ASCC1: variants seen among roughly 807,000 people sequenced by gnomAD.
The protein encoded by ASCC1 is ASC-1 complex subunit P50.
ASCC1 carries 35 observed loss-of-function variants against 46.6 expected under a neutral mutation model. That is an observed-to-expected ratio of 0.75 (90% CI 0.57 to 0.99). ASCC1 has a LOEUF of 0.99. ASCC1 is among the 50% of genes least tolerant of loss of function. ASCC1 has a pLI of 0.00. For synonymous variants in ASCC1, 143 were observed against 146.6 expected (o/e 0.98, Z 0.18); for missense variants, 376 against 428.7 (o/e 0.88, Z 1.09).
chr10:72,167,396 G>A (rs1850488945), intron 5 of ASCC1, among the ~76,000 whole-genome samples: 1 of 152,168 alleles, frequency 6.6e-6, no homozygotes, highest in South Asian at 2.1e-4. Flanking sequence ...GAAATGTCCA[G>A]AAAGGACAAA....
rs372474134 is a variant in ASCC1, at chr10:72,172,211, C to A, written c.490-10537G>T. On this transcript the variant is annotated intron_variant, in intron 5 of 9. Transcript: ENST00000672957. ...CGGGCGGATCACGAGGTCAGGAGAT[C>A]GAGACCAGCCTGGGCAACATGGTGA... is the stretch of plus-strand genomic sequence containing the variant. 3.3e-5 allele frequency among the ~76,000 whole-genome samples: 5 copies of A among 151,694 alleles called. 1 individual carries two copies. In the East Asian group the frequency reaches 5.9e-4, roughly 18 times the overall value.
chr10:72,141,054 T>A (rs1211386723), intron 7 of ASCC1, among the ~76,000 whole-genome samples: 2 of 150,012 alleles, frequency 1.3e-5, no homozygotes, highest in African/African-American at 4.9e-5. Context: ...GATAGATAGA[T>A]AGATAGATAG....
intron 9 of ASCC1, chr10:72,102,452 C>T (rs1377759293): frequency 1.6e-5 from 24 of 1,463,862 alleles, no homozygotes; most frequent in Non-Finnish European, 2.1e-5. Flanking sequence ...CTATAAAAGG[C>T]TTTATGAGCG....
intron 2 of ASCC1, 141 bp from the exon 3 acceptor site, chr10:72,210,972 G>A: frequency 2.7e-6 from 2 of 735,608 alleles, no homozygotes; most frequent in South Asian, 1.5e-5. Flanking sequence ...TACATTCCAT[G>A]ACACTGCTCT....
chr10:72,201,289 A>G (rs1856451583), intron 4 of ASCC1, among the ~76,000 whole-genome samples: 1 of 152,202 alleles, frequency 6.6e-6, no homozygotes, highest in Non-Finnish European at 1.5e-5. Context: ...CTGGAAGTAC[A>G]GGTATATGCC....
Position 72,096,817 on chromosome 10 carries a change from C to A in ASCC1, c.*517G>T. On this transcript the variant is annotated 3_prime_UTR_variant, in exon 10 of 10. Transcript: ENST00000672957. ...GTGAAATAAGCCAGTCACAAAAAGA[C>A]AAGTCACTGTATGATTCCACTTATA... The A allele has an allele frequency of 6.6e-6, 3 of 454,072 alleles. No individual in the cohort carries two copies. The highest frequency in any genetic ancestry group is 4.7e-5 in the South Asian group (3 of 64,476). 28.1% of individuals were successfully genotyped at this position (454,072 alleles called of 1,614,324 possible).
At chr10:72,110,125 T>C (rs1383356444) in intron 9 of ASCC1, among the ~76,000 whole-genome samples, 2 of 152,246 alleles carry the variant, frequency 1.3e-5, no homozygotes, top group Non-Finnish European at 2.9e-5. Context: ...ATGATGTTTC[T>C]GCAGATAAAT....
chr10:72,215,293 G>A (rs1460523014), intron 1 of ASCC1, among the ~76,000 whole-genome samples: 1 of 152,238 alleles, frequency 6.6e-6, no homozygotes, highest in Non-Finnish European at 1.5e-5. Context: ...CAACTACTGG[G>A]AAAGCTGAGG....
chr10:72,141,732 T>C (rs1004400777), intron 7 of ASCC1, among the ~76,000 whole-genome samples: 2 of 152,212 alleles, frequency 1.3e-5, no homozygotes, highest in African/African-American at 2.4e-5. Flanking sequence ...ATAAGAGCCA[T>C]TGTACCCATT....
At chr10:72,115,372 A>G (rs1340069943) in intron 9 of ASCC1, among the ~76,000 whole-genome samples, 1 of 152,176 alleles carries the variant, frequency 6.6e-6, no homozygotes, top group Non-Finnish European at 1.5e-5. Context: ...AGAGAGCTCT[A>G]TTGATTTGGA....
At chr10:72,209,707 C>T (rs1857767465) in intron 3 of ASCC1, among the ~76,000 whole-genome samples, 1 of 152,148 alleles carries the variant, frequency 6.6e-6, no homozygotes, top group African/African-American at 2.4e-5. Context: ...TGGCTTGAAC[C>T]CTGAGGGCGG....
chr10:72,122,332 T>C (rs1358054205), intron 9 of ASCC1, among the ~76,000 whole-genome samples: 2 of 151,682 alleles, frequency 1.3e-5, no homozygotes, highest in African/African-American at 4.8e-5. Flanking sequence ...GGCATGAGAA[T>C]TGCTTGAACC....
intron 9 of ASCC1, among the ~76,000 whole-genome samples, chr10:72,106,125 C>T (rs1485581639): frequency 1.3e-5 from 2 of 152,144 alleles, no homozygotes; most frequent in Non-Finnish European, 2.9e-5. Context: ...TTAAGAAAAT[C>T]TACTTCTTGT....
chr10:72,102,185 GAGA>G (rs1478402807), intron 9 of ASCC1: 3 of 670,590 alleles, frequency 4.5e-6, no homozygotes, highest in Admixed American at 2.4e-5. Flanking sequence ...CTTTCTAGAT[GAGA>G]AGGAGATGGA....
At chr10:72,114,873 C>T (rs1025607042) in intron 9 of ASCC1, among the ~76,000 whole-genome samples, 3 of 152,036 alleles carry the variant, frequency 2.0e-5, no homozygotes, top group Admixed American at 6.6e-5. Context: ...GGAGGCCACA[C>T]GGATTCCACC....
chr10:72,137,189 G>A (rs969163459), intron 7 of ASCC1, among the ~76,000 whole-genome samples: 10 of 151,508 alleles, frequency 6.6e-5, no homozygotes, highest in African/African-American at 2.4e-5. Flanking sequence ...GTGCTGGGAC[G>A]ACAGGTGTGA....
intron 6 of ASCC1, among the ~76,000 whole-genome samples, chr10:72,158,193 ACT>A (rs1467865245): frequency 2.0e-5 from 3 of 152,274 alleles, no homozygotes; most frequent in African/African-American, 4.8e-5. Flanking sequence ...CCCGATAAAC[ACT>A]CTTTGTCTTA....
intron 6 of ASCC1, among the ~76,000 whole-genome samples, chr10:72,160,105 C>T (rs1459184765): frequency 6.6e-6 from 1 of 152,000 alleles, no homozygotes; most frequent in African/African-American, 2.4e-5. Context: ...AAGGTTTCAC[C>T]GTGTTAGCCA....
At chr10:72,110,774 G>C (rs528747145) in intron 9 of ASCC1, among the ~76,000 whole-genome samples, 3 of 152,200 alleles carry the variant, frequency 2.0e-5, no homozygotes, top group African/African-American at 7.2e-5. Context: ...GTGATACAGC[G>C]AGACTCCGTC....
Sources: gnomAD v4.1 joint callset for allele counts (sites outside exome capture counted in the v4.1 genomes callset) on GRCh38, gnomAD v4.1.1 for gene constraint, MANE v1.5 for transcripts, NCBI Gene and HGNC (gene_info 2026-07-23, HGNC 2026-07-21) for gene names.